RIC1: variants seen among roughly 807,000 people sequenced by gnomAD.
The protein encoded by RIC1 is RIC1 partner of RAB6A GEF complex.
A neutral mutation model predicts 169.0 loss-of-function variants in RIC1; 88 were observed. The ratio of observed to expected loss-of-function variants is 0.52; its 90% CI spans 0.44 to 0.62. The LOEUF (loss-of-function observed/expected upper bound fraction) is 0.62, where lower values mean the gene tolerates loss of function less well. RIC1 is among the 20% of genes least tolerant of loss of function. RIC1 has a pLI of 0.00. For missense variants in RIC1, 1,877 were observed against 1,725.5 expected, an observed-to-expected ratio of 1.09 and a Z score of -1.56; for synonymous variants, 790 against 601.5, an observed-to-expected ratio of 1.31 and a Z score of -4.59.
At position 5,773,014 on chromosome 9, in the gene RIC1, A is replaced by G. The variant is rs1282719794; in HGVS notation, c.3917A>G (p.Asp1306Gly). 8.7e-6 allele frequency: 14 copies of G among 1,613,706 alleles called. No individual in the cohort carries two copies. The highest frequency in any genetic ancestry group is 1.1e-5 in the Non-Finnish European group (13 of 1,179,766). ...GTTATTACACAGTCTTCAGAGGTAG[A>G]TGGAGAGATGTTACAGAACATAAAG... is the stretch of plus-strand genomic sequence containing the variant. Reference protein sequence around the residue: ...ILVITQSSEVDGEMLQNIKTG... With the variant: ...ILVITQSSEVGGEMLQNIKTG... The change falls in exon 25 of 26, where the codon GAT becomes GGT. Residue 1306 changes from aspartate (D) to glycine (G), a missense_variant. Transcript: ENST00000414202.
In RIC1 at chr9:5,770,116, G is replaced by T. The variant is rs201165896; in HGVS notation, c.3454G>T (p.Ala1152Ser). ...AGAGCAGCTGTTAAAGTCTCAATCA[G>T]CTGACCCATTTTTGAACCTTGAGAT... ...VGEQLLKSQS[A>S]DPFLNLEMDA... is the part of the protein sequence containing the mutation. The change falls in exon 23 of 26, where the codon GCT becomes TCT. Residue 1152 changes from alanine to serine, a missense_variant. Coordinates refer to ENST00000414202, the MANE Select transcript of RIC1 (RefSeq NM_020829.4). 13 of 1,613,138 alleles carry T rather than the reference G, an allele frequency of 8.1e-6. No homozygotes were observed. Among genetic ancestry groups the T allele is most frequent in the African/African-American group, 1.3e-5 (1 of 74,880 alleles).
chr9:5,698,160 A>G (rs1374632360), intron 3 of RIC1, among the ~76,000 whole-genome samples: 1 of 152,198 alleles, frequency 6.6e-6, no homozygotes, highest in Non-Finnish European at 1.5e-5. Context: ...GCACAGAAGA[A>G]TTTGCTCAAA....
chr9:5,756,856 A>C (rs1826044753), intron 16 of RIC1, among the ~76,000 whole-genome samples: 1 of 152,206 alleles, frequency 6.6e-6, no homozygotes, highest in Non-Finnish European at 1.5e-5. Context: ...TTGTCTTGGC[A>C]TCTGGTCTAC....
chr9:5,753,536 T>G lies in RIC1; in HGVS notation c.1492T>G (p.Phe498Val), dbSNP rs371348385. 3.3e-5 allele frequency: 53 copies of G among 1,587,912 alleles called. No homozygotes were observed. The highest frequency in any genetic ancestry group is 4.1e-5 in the Non-Finnish European group (48 of 1,165,196). The part of the protein sequence containing the change: ...TYLESNWPIR[F>V]SAIDKLGQNI... ...AGTTCTTATTTTTTTTTTTAAACAG[T>G]TTTCAGCTATTGATAAGCTTGGACA... The change falls in exon 14 of 26, where the codon TTT becomes GTT. Residue 498 changes from phenylalanine to valine, a missense_variant and splice_region_variant. Physicochemically the swap from Phe to Val is conservative, Grantham distance 50. Around this residue, in one of 3 missense-constraint regions of RIC1, gnomAD observed 1,104 missense variants for 992.0 expected, o/e 1.11. Coordinates refer to ENST00000414202, the MANE Select transcript of RIC1 (RefSeq NM_020829.4).
chr9:5,777,468 A>G (rs1341236491), downstream of RIC1, among the ~76,000 whole-genome samples: 2 of 151,512 alleles, frequency 1.3e-5, no homozygotes, highest in Non-Finnish European at 2.9e-5. Flanking sequence ...GAGTGTTGTC[A>G]GCATGTGATT....
intron 3 of RIC1, among the ~76,000 whole-genome samples, chr9:5,700,010 CCTA>C (rs1274357913): frequency 6.6e-6 from 1 of 150,996 alleles, no homozygotes; most frequent in African/African-American, 2.5e-5. Context: ...GAAAAAAATT[CCTA>C]CTTTTTTTTT....
chr9:5,652,418 T>C (rs1030431775), intron 1 of RIC1, among the ~76,000 whole-genome samples: 1 of 152,214 alleles, frequency 6.6e-6, no homozygotes, highest in Non-Finnish European at 1.5e-5. Flanking sequence ...AGTGATCTTT[T>C]ACTTCTTCAA....
chr9:5,660,508 G>A (rs964963633), intron 2 of RIC1, among the ~76,000 whole-genome samples: 5 of 152,102 alleles, frequency 3.3e-5, no homozygotes, highest in African/African-American at 7.2e-5. Context: ...AACCTAACCA[G>A]CACCTGTTGT....
At chr9:5,767,862 C>T (rs956928865) in intron 21 of RIC1, among the ~76,000 whole-genome samples, 1 of 152,232 alleles carries the variant, frequency 6.6e-6, no homozygotes, top group Non-Finnish European at 1.5e-5. Context: ...GCTGGGATTA[C>T]AGGCATGAGC....
chr9:5,748,002 A>T (rs971467353), intron 12 of RIC1, among the ~76,000 whole-genome samples: 9 of 152,162 alleles, frequency 5.9e-5, no homozygotes, highest in Non-Finnish European at 1.2e-4. Flanking sequence ...TTATTAGCTA[A>T]TCTTATTCCA....
At chr9:5,720,353 C>A (rs1448456157) in intron 5 of RIC1, 29 bp downstream of exon 5, 1 of 1,588,884 alleles carries the variant, frequency 6.3e-7, no homozygotes, top group African/African-American at 1.4e-5. Flanking sequence ...TGAGGTTGAA[C>A]CAGTTGTTTA....
At chr9:5,660,933 G>A (rs925511716) in intron 2 of RIC1, among the ~76,000 whole-genome samples, 2 of 152,112 alleles carry the variant, frequency 1.3e-5, no homozygotes, top group African/African-American at 4.8e-5. Context: ...GCCTGTGCCT[G>A]TGTCCCAAAT....
intron 3 of RIC1, among the ~76,000 whole-genome samples, chr9:5,709,742 G>C (rs950454419): frequency 2.6e-5 from 4 of 152,074 alleles, no homozygotes; most frequent in African/African-American, 9.7e-5. Context: ...GAGAAAGTCA[G>C]AATTTTTTTG....
At chr9:5,758,818 C>A (rs1010288959) in intron 17 of RIC1, among the ~76,000 whole-genome samples, 5 of 144,380 alleles carry the variant, frequency 3.5e-5, no homozygotes, top group African/African-American at 1.3e-4. Context: ...AATCTTGGCT[C>A]AGTGCAACCT....
At chr9:5,692,747 G>T (rs1463959091) in intron 3 of RIC1, among the ~76,000 whole-genome samples, 5 of 151,986 alleles carry the variant, frequency 3.3e-5, no homozygotes, top group Non-Finnish European at 5.9e-5. Context: ...AAAAATAGTG[G>T]TTATATAAGG....
chr9:5,714,740 T>G (rs1267571730), intron 4 of RIC1, among the ~76,000 whole-genome samples: 1 of 152,182 alleles, frequency 6.6e-6, no homozygotes, highest in African/African-American at 2.4e-5. Context: ...ATGAGGTATC[T>G]CCATCTTGTT....
intron 21 of RIC1, among the ~76,000 whole-genome samples, chr9:5,768,390 G>C (rs1826947591): frequency 6.6e-6 from 1 of 152,112 alleles, no homozygotes; most frequent in Non-Finnish European, 1.5e-5. Flanking sequence ...GGCTAGGCAT[G>C]GTGGCAAGTA....
intron 10 of RIC1, among the ~76,000 whole-genome samples, 170 bp from the exon 11 acceptor site, chr9:5,745,760 GA>G (rs1429665088): frequency 1.3e-5 from 2 of 152,182 alleles, no homozygotes; most frequent in Admixed American, 1.3e-4. Flanking sequence ...AGTTAGTTAA[GA>G]GGTAACTGAA....
intron 4 of RIC1, among the ~76,000 whole-genome samples, chr9:5,714,931 TCA>T (rs2130834679): frequency 6.6e-6 from 1 of 152,304 alleles, no homozygotes; most frequent in African/African-American, 2.4e-5. Flanking sequence ...TCCCTCTGAC[TCA>T]CAGTTCTAAG....
Sources: gnomAD v4.1 joint callset for allele counts (sites outside exome capture counted in the v4.1 genomes callset) on GRCh38, gnomAD v4.1.1 for gene constraint, gnomAD v4.1.1 regional missense constraint, MANE v1.5 for transcripts, NCBI Gene and HGNC (gene_info 2026-07-23, HGNC 2026-07-21) for gene names.